The following FSTL4 variants were observed in gnomAD, a reference collection of about 807,000 sequenced individuals.
The protein encoded by FSTL4 is follistatin like 4.
Under a neutral mutation model 78.2 loss-of-function variants are expected in FSTL4, and 28 were observed. That is an observed-to-expected ratio of 0.36 (90% CI 0.27 to 0.49). The LOEUF (loss-of-function observed/expected upper bound fraction) is 0.49, where lower values mean the gene tolerates loss of function less well. FSTL4 is among the 20% of genes least tolerant of loss of function. The probability of loss-of-function intolerance (pLI) is 0.98; values close to 1 mark genes in which losing one functional copy is unlikely to be tolerated. For missense variants in FSTL4, 922 were observed against 1,084.9 expected (o/e 0.85, Z 2.11); for synonymous variants, 422 against 440.5 (o/e 0.96, Z 0.53).
the FSTL4 span, among the ~76,000 whole-genome samples, chr5:133,630,262 C>T: frequency 6.6e-6 from 1 of 152,380 alleles, no homozygotes; most frequent in East Asian, 1.9e-4. Flanking sequence ...TGTCTCAGCC[C>T]AAAATCTCCT....
At chr5:133,806,853 T>C in the FSTL4 span, among the ~76,000 whole-genome samples, 4 of 152,236 alleles carry the variant, frequency 2.6e-5, no homozygotes, top group Non-Finnish European at 4.4e-5. Flanking sequence ...TCCGCATAAA[T>C]GGAAAGACAA....
rs558686290 is a variant in FSTL4, at chr5:133,199,130, C to A, written c.2494G>T (p.Gly832Trp). The change falls in exon 16 of 16, where the codon GGG becomes TGG. Residue 832 changes from glycine (G) to tryptophan (W), a missense_variant. Transcript: ENST00000265342. This position sits in a 1 kb window ranked among gnomAD's most constrained non-coding sequence, Gnocchi z 4.4. Reference sequence around the variant, plus strand: ...CCCACCCACACCACTGTGGTCCCCCCCTTTATACCTGACACCTCACACCGC... The same window carrying A: ...CCCACCCACACCACTGTGGTCCCCCACTTTATACCTGACACCTCACACCGC... ...TLRCEVSGIK[G>W]GTTVVWVGEV is the part of the protein sequence containing the mutation. 10 of 1,572,366 alleles carry A rather than the reference C, an allele frequency of 6.4e-6. No homozygotes were observed. The highest frequency in any genetic ancestry group is 4.0e-5 in the African/African-American group (3 of 74,426).
intron 2 of FSTL4, among the ~76,000 whole-genome samples, chr5:133,590,740 G>C (rs7707853): frequency 0.23 from 34,688 of 152,090 alleles, 4,267 homozygotes; most frequent in East Asian, 0.29. Context: ...AGTCCATTTT[G>C]TGCTGCTATA....
chr5:133,489,701 C>T (rs1423525628), intron 3 of FSTL4, among the ~76,000 whole-genome samples: 1 of 152,210 alleles, frequency 6.6e-6, no homozygotes. Flanking sequence ...ATGTCACCCC[C>T]AAAATAGCCC....
At chr5:133,726,113 T>C in the FSTL4 span, among the ~76,000 whole-genome samples, 7 of 152,296 alleles carry the variant, frequency 4.6e-5, no homozygotes, top group Admixed American at 3.9e-4. Context: ...GCATGGCTGA[T>C]AGCATCTCCT....
chr5:133,406,560 T>C (rs1756367355), intron 3 of FSTL4, among the ~76,000 whole-genome samples: 1 of 152,208 alleles, frequency 6.6e-6, no homozygotes, highest in South Asian at 2.1e-4. Flanking sequence ...CACTCCTAGA[T>C]GCCCTGGATG....
intron 6 of FSTL4, among the ~76,000 whole-genome samples, chr5:133,305,805 C>T (rs1378279114): frequency 6.6e-6 from 1 of 152,228 alleles, no homozygotes. Flanking sequence ...CCCTGTGCTG[C>T]TCTCCCTGCC....
intron 8 of FSTL4, among the ~76,000 whole-genome samples, chr5:133,229,347 C>A (rs770614867): frequency 2.3e-4 from 35 of 151,984 alleles, no homozygotes; most frequent in Non-Finnish European, 3.5e-4. Context: ...CGTTGTGAAA[C>A]CCTGATTCTA....
intron 11 of FSTL4, among the ~76,000 whole-genome samples, chr5:133,223,132 A>C (rs1371960564): frequency 1.3e-5 from 2 of 152,118 alleles, no homozygotes; most frequent in African/African-American, 4.8e-5. Flanking sequence ...ACCACCTCTT[A>C]AACACTTGAG....
chr5:133,482,706 A>T (rs562047362), intron 3 of FSTL4, among the ~76,000 whole-genome samples: 26 of 152,302 alleles, frequency 1.7e-4, no homozygotes, highest in African/African-American at 5.3e-4. Context: ...GCAGGTAAGG[A>T]GAAGGTGTTG....
chr5:133,668,771 G>A, the FSTL4 span, among the ~76,000 whole-genome samples: 1 of 152,098 alleles, frequency 6.6e-6, no homozygotes, highest in African/African-American at 2.4e-5. Context: ...CCCATGGAGG[G>A]GTGATTTCGG....
rs984908302 is a variant in FSTL4, at chr5:133,240,921, C to T, written c.895-7384G>A. Among the ~76,000 whole-genome samples the T allele has an allele frequency of 1.6e-4, 24 of 152,260 alleles. No homozygotes were observed. The South Asian group carries it at 4.2e-3, about 26-fold the overall frequency. ...ATCTCTAGGCTCTGGAATGTCATGCCTCATAGGGGTCTCTTTATTTGCCTG... is the reference window on the plus strand; with the variant it reads ...ATCTCTAGGCTCTGGAATGTCATGCTTCATAGGGGTCTCTTTATTTGCCTG... On this transcript the variant is annotated intron_variant, in intron 7 of 15. Coordinates refer to ENST00000265342, the MANE Select transcript of FSTL4 (RefSeq NM_015082.2).
chr5:133,289,748 A>G (rs906922131), intron 6 of FSTL4, among the ~76,000 whole-genome samples: 1 of 152,208 alleles, frequency 6.6e-6, no homozygotes, highest in Non-Finnish European at 1.5e-5. Flanking sequence ...CCCAAAGACC[A>G]GCACCAAGCC....
the FSTL4 span, among the ~76,000 whole-genome samples, chr5:133,751,718 G>A: frequency 1.4e-4 from 21 of 152,252 alleles, no homozygotes; most frequent in Admixed American, 5.9e-4. Context: ...GAGAGGTGTC[G>A]GGCAAAATAG....
intron 3 of FSTL4, among the ~76,000 whole-genome samples, chr5:133,524,961 A>C (rs1210680998): frequency 6.6e-6 from 1 of 152,182 alleles, no homozygotes; most frequent in East Asian, 1.9e-4. Context: ...AATGCTTTAG[A>C]TGAGGAGTCC....
At chr5:133,626,772 C>G in the FSTL4 span, among the ~76,000 whole-genome samples, 4 of 152,004 alleles carry the variant, frequency 2.6e-5, no homozygotes, top group Non-Finnish European at 1.5e-5. Flanking sequence ...TAAATTCTTT[C>G]AAAGTTAGTG....
chr5:133,421,591 A>G (rs737494), intron 3 of FSTL4, among the ~76,000 whole-genome samples: 37,958 of 152,180 alleles, frequency 0.25, 4,992 homozygotes, highest in Admixed American at 0.3. Flanking sequence ...GGGTAACACT[A>G]GCAAGCTGGT....
intron 2 of FSTL4, among the ~76,000 whole-genome samples, chr5:133,580,492 C>T (rs958370742): frequency 2.0e-5 from 3 of 152,174 alleles, no homozygotes; most frequent in Non-Finnish European, 4.4e-5. Context: ...AAGAAACGGG[C>T]AACAAACAAA....
At chr5:133,733,504 A>G in the FSTL4 span, among the ~76,000 whole-genome samples, 1 of 152,240 alleles carries the variant, frequency 6.6e-6, no homozygotes, top group Non-Finnish European at 1.5e-5. Flanking sequence ...GGAAATAGAA[A>G]AGGCAGAAGA....
Sources: gnomAD v4.1 joint callset for allele counts (sites outside exome capture counted in the v4.1 genomes callset) on GRCh38, gnomAD v4.1.1 for gene constraint, Gnocchi (gnomAD v3.1) non-coding constraint, MANE v1.5 for transcripts, NCBI Gene and HGNC (gene_info 2026-07-23, HGNC 2026-07-21) for gene names.